Variants in KCNJ15 observed in about 807,000 individuals in gnomAD.
KCNJ15 encodes ATP-sensitive inward rectifier potassium channel 15.
Under a neutral mutation model 23.0 loss-of-function variants are expected in KCNJ15, and 14 were observed. The observed-to-expected ratio is 0.61, with a 90% CI of 0.40 to 0.95. The LOEUF (loss-of-function observed/expected upper bound fraction) is 0.95, where lower values mean the gene tolerates loss of function less well. Among genes scored for constraint, KCNJ15 ranks in the 40% least tolerant of loss-of-function variants. KCNJ15 has a pLI of 0.00. For missense variants in KCNJ15, 388 were observed against 461.8 expected, an observed-to-expected ratio of 0.84 and a Z score of 1.46; for synonymous variants, 185 against 183.2, an observed-to-expected ratio of 1.01 and a Z score of -0.08.
chr21:38,255,626 A>T (rs1980151837), upstream of KCNJ15, among the ~76,000 whole-genome samples: 1 of 152,198 alleles, frequency 6.6e-6, no homozygotes, highest in African/African-American at 2.4e-5. Context: ...GAAAACAGAA[A>T]TGGAATGATT....
chr21:38,235,465 A>G (rs1978541070), intron 1 of KCNJ15, among the ~76,000 whole-genome samples: 2 of 152,124 alleles, frequency 1.3e-5, no homozygotes, highest in South Asian at 4.1e-4. Flanking sequence ...GAGTCAGGAG[A>G]ATGGCTTGAA....
In KCNJ15 at chr21:38,247,742, T is replaced by C. The variant is rs143112301; in HGVS notation, c.-398-9304T>C. Among the ~76,000 whole-genome samples, 5 of 152,314 alleles carry C rather than the reference T, an allele frequency of 3.3e-5. No homozygotes were observed. The East Asian group carries it at 9.6e-4, about 29-fold the overall frequency. On this transcript the variant is annotated intron_variant, in intron 1 of 4. Coordinates refer to the KCNJ15 transcript ENST00000547341. ...TTATGATGAAAGATTGGCATCAGTA[T>C]TGTCATTTTTATTTCAGCTTGTGCC...
upstream of KCNJ15, among the ~76,000 whole-genome samples, chr21:38,252,734 G>A (rs1367553492): frequency 6.6e-5 from 10 of 152,188 alleles, no homozygotes; most frequent in African/African-American, 2.4e-4. Flanking sequence ...GCAATGATTA[G>A]GGGTAGTAAT....
intron 1 of KCNJ15, among the ~76,000 whole-genome samples, chr21:38,247,410 A>C (rs1300684845): frequency 6.6e-6 from 1 of 152,036 alleles, no homozygotes; most frequent in African/African-American, 2.4e-5. Flanking sequence ...GGATGGATAG[A>C]TGGATAAATG....
At chr21:38,259,004 C>CGTGT (rs141128448) in intron 1 of KCNJ15, among the ~76,000 whole-genome samples, 1 of 149,680 alleles carries the variant, frequency 6.7e-6, no homozygotes, top group African/African-American at 2.4e-5. Context: ...TTTCTTGGGG[C>CGTGT]GTGTGTGTGT....
At chr21:38,240,976 A>T (rs1282011340) in intron 1 of KCNJ15, among the ~76,000 whole-genome samples, 1 of 152,244 alleles carries the variant, frequency 6.6e-6, no homozygotes, top group Non-Finnish European at 1.5e-5. Context: ...TGAAGTTAAT[A>T]AACACACCCA....
intron 1 of KCNJ15, among the ~76,000 whole-genome samples, chr21:38,265,233 T>C (rs1356042497): frequency 6.6e-6 from 1 of 152,220 alleles, no homozygotes; most frequent in Non-Finnish European, 1.5e-5. Flanking sequence ...ATTTTAAAGA[T>C]GAAATATTAT....
chr21:38,235,372 G>A (rs2123540794), intron 1 of KCNJ15, among the ~76,000 whole-genome samples: 1 of 152,192 alleles, frequency 6.6e-6, no homozygotes, highest in South Asian at 2.1e-4. Flanking sequence ...TGGCCAACAT[G>A]GTGAATCCTC....
In KCNJ15 at chr21:38,305,737, T is replaced by C. The variant is rs749843816; in HGVS notation, c.*5348T>C. On this transcript the variant is annotated 3_prime_UTR_variant, in exon 3 of 3. Transcript: ENST00000398938. ...TCAAACTTAACTGAAACTCCTGTCC[T>C]GAATAGTTATTTGCCAAATCTGACA... 1.3e-5 allele frequency: 2 copies of C among 152,254 alleles called. No individual in the cohort carries two copies. The highest frequency in any genetic ancestry group is 2.9e-5 in the Non-Finnish European group (2 of 68,036). 9.4% of individuals were successfully genotyped at this position (152,254 alleles called of 1,614,324 possible).
intron 1 of KCNJ15, among the ~76,000 whole-genome samples, chr21:38,258,514 C>G (rs1980524332): frequency 6.6e-6 from 1 of 152,162 alleles, no homozygotes; most frequent in Non-Finnish European, 1.5e-5. Flanking sequence ...AGGGAATGGC[C>G]CAGAGGCCAC....
rs1420852079 is a variant in KCNJ15 at position 38,287,187 on chromosome 21, A to G, written c.-116-9739A>G. On this transcript the variant is annotated intron_variant, in intron 1 of 2. Transcript: ENST00000398938. ...TAAAATGTTAAGAGCCCCTGAGCTA[A>G]TATCTTAAAAATGAGACAAACTTCT... 2.0e-5 allele frequency among the ~76,000 whole-genome samples: 3 copies of G among 152,348 alleles called. No individual in the cohort carries two copies. The East Asian group carries it at 5.8e-4, about 29-fold the overall frequency.
intron 1 of KCNJ15, among the ~76,000 whole-genome samples, chr21:38,234,222 G>T (rs2123537809): frequency 6.6e-6 from 1 of 152,330 alleles, no homozygotes; most frequent in Non-Finnish European, 1.5e-5. Context: ...GGATGGCTTT[G>T]AATGTGGCCC....
At chr21:38,283,266 C>G (rs567073320) in intron 1 of KCNJ15, among the ~76,000 whole-genome samples, 1 of 152,280 alleles carries the variant, frequency 6.6e-6, no homozygotes, top group South Asian at 2.1e-4. Flanking sequence ...TGGAAATGGT[C>G]TGTGCTAGGG....
chr21:38,260,428 C>T (rs1196943081), intron 1 of KCNJ15, among the ~76,000 whole-genome samples: 1 of 152,174 alleles, frequency 6.6e-6, no homozygotes, highest in Non-Finnish European at 1.5e-5. Flanking sequence ...GTTCATGTGT[C>T]TGCATTTCTT....
intron 1 of KCNJ15, among the ~76,000 whole-genome samples, chr21:38,294,189 T>G (rs986606967): frequency 2.6e-5 from 4 of 152,204 alleles, no homozygotes; most frequent in Non-Finnish European, 4.4e-5. Context: ...GCATTTTTTA[T>G]TTCTGGACAA....
chr21:38,282,853 G>C (rs994198956), intron 1 of KCNJ15, among the ~76,000 whole-genome samples: 5 of 152,272 alleles, frequency 3.3e-5, no homozygotes, highest in South Asian at 4.1e-4. Flanking sequence ...TTATCATGAG[G>C]TGTGGACAAT....
chr21:38,285,555 A>G (rs1983796694), intron 1 of KCNJ15: 1 of 151,846 alleles, frequency 6.6e-6, no homozygotes, highest in Non-Finnish European at 1.5e-5. Context: ...TTTTAAGTAC[A>G]GAAGAGATAA....
chr21:38,278,127 C>G (rs570148733), intron 1 of KCNJ15, among the ~76,000 whole-genome samples: 1 of 141,556 alleles, frequency 7.1e-6, no homozygotes, highest in Non-Finnish European at 1.6e-5. Context: ...TGTGTAGGAG[C>G]TTGCTTTTTG....
At chr21:38,242,896 G>T (rs1446855645) in intron 1 of KCNJ15, among the ~76,000 whole-genome samples, 1 of 152,184 alleles carries the variant, frequency 6.6e-6, no homozygotes, top group African/African-American at 2.4e-5. Flanking sequence ...ATATCCTATG[G>T]AAGGGTGCCG....
Sources: allele counts gnomAD v4.1 joint callset (sites outside exome capture counted in the v4.1 genomes callset), GRCh38; gene constraint gnomAD v4.1.1; transcripts MANE v1.5; gene names NCBI Gene and HGNC (gene_info 2026-07-23, HGNC 2026-07-21).